MUSK: variants seen among roughly 807,000 people sequenced by gnomAD.
MUSK encodes the protein muscle, skeletal receptor tyrosine-protein kinase.
A neutral mutation model predicts 88.7 loss-of-function variants in MUSK; 55 were observed. That is an observed-to-expected ratio of 0.62 (90% CI 0.50 to 0.78). MUSK has a LOEUF of 0.78. Ranked by LOEUF, MUSK falls within the 30% of genes least tolerant of loss-of-function variation. The pLI is 0.00. For missense variants in MUSK, 1,015 were observed against 1,074.3 expected, an observed-to-expected ratio of 0.94 and a Z score of 0.77; for synonymous variants, 387 against 391.9, an observed-to-expected ratio of 0.99 and a Z score of 0.15.
intron 14 of MUSK, among the ~76,000 whole-genome samples, chr9:110,799,141 G>C (rs1012132284): frequency 1.3e-5 from 2 of 152,046 alleles, no homozygotes; most frequent in African/African-American, 4.8e-5. Flanking sequence ...TTACAGAAAT[G>C]TGCTAATTGA....
At chr9:110,772,627 T>C (rs1412809751) in intron 9 of MUSK, among the ~76,000 whole-genome samples, 1 of 152,086 alleles carries the variant, frequency 6.6e-6, no homozygotes, top group Non-Finnish European at 1.5e-5. Flanking sequence ...ACAAAATTCA[T>C]ATATTTATGT....
intron 14 of MUSK, among the ~76,000 whole-genome samples, chr9:110,797,610 TATAA>T (rs2078031008): frequency 1.3e-5 from 2 of 152,332 alleles, no homozygotes; most frequent in African/African-American, 4.8e-5. Flanking sequence ...GTAGGCACTC[TATAA>T]ATATTTGTTC....
chr9:110,783,685 G>A (rs796832460), intron 11 of MUSK, among the ~76,000 whole-genome samples: 9 of 151,698 alleles, frequency 5.9e-5, no homozygotes, highest in African/African-American at 2.2e-4. Context: ...ATTAACTTCT[G>A]CTTGTGTATG....
chr9:110,669,825 C>A (rs1007369306), intron 1 of MUSK, among the ~76,000 whole-genome samples: 1 of 152,048 alleles, frequency 6.6e-6, no homozygotes, highest in Non-Finnish European at 1.5e-5. Context: ...GAAAGCAGAT[C>A]GAGTGGTATC....
At position 110,689,417 on chromosome 9, in the gene MUSK, T is replaced by C. The variant is rs1462752719; in HGVS notation, c.358+2149T>C. 3.6e-5 allele frequency among the ~76,000 whole-genome samples: 4 copies of C among 111,760 alleles called. No homozygotes were observed. The East Asian group carries it at 7.4e-4, about 21-fold the overall frequency. 73.3% of individuals were successfully genotyped at this position (111,760 alleles called of 152,430 possible). A position where few individuals can be genotyped will look rare whatever the true frequency, so the allele number is the denominator to read the frequency against. On this transcript the variant is annotated intron_variant, in intron 3 of 14. Coordinates refer to ENST00000374448, the MANE Select transcript of MUSK (RefSeq NM_005592.4). ...AATATGTGAAAAATACATATTTATA[T>C]ATAATATATGTAAAAAATATTAAAA...
chr9:110,798,536 G>C (rs1323993082), intron 14 of MUSK, among the ~76,000 whole-genome samples: 1 of 152,102 alleles, frequency 6.6e-6, no homozygotes, highest in Admixed American at 6.5e-5. Flanking sequence ...GGCTAGGCAT[G>C]AGGTTTTCTT....
chr9:110,762,052 C>T (rs554619318), intron 7 of MUSK, 150 bp from the exon 8 acceptor site: 2 of 1,009,926 alleles, frequency 2.0e-6, no homozygotes, highest in African/African-American at 1.7e-5. Context: ...CAGCATCTGG[C>T]CTCCTAGCAG....
At chr9:110,674,004 G>A (rs114997738) in intron 1 of MUSK, among the ~76,000 whole-genome samples, 196 of 151,934 alleles carry the variant, frequency 1.3e-3, no homozygotes, top group African/African-American at 4.4e-3. Context: ...TCTTCCAAAC[G>A]TCATGTGTGG....
At chr9:110,742,833 G>T (rs192569778) in intron 6 of MUSK, among the ~76,000 whole-genome samples, 1 of 152,336 alleles carries the variant, frequency 6.6e-6, no homozygotes, top group Non-Finnish European at 1.5e-5. Context: ...CAGAGAGTGT[G>T]TGCTGCTCTT....
At chr9:110,736,867 T>C (rs1454372485) in intron 6 of MUSK, among the ~76,000 whole-genome samples, 2 of 152,104 alleles carry the variant, frequency 1.3e-5, no homozygotes, top group Admixed American at 1.3e-4. Flanking sequence ...TGAAGCTCCT[T>C]GGGCATCCCA....
chr9:110,763,901 G>C (rs912465773), intron 8 of MUSK, among the ~76,000 whole-genome samples: 4 of 152,170 alleles, frequency 2.6e-5, no homozygotes, highest in African/African-American at 4.8e-5. Flanking sequence ...TTTCAAAGTA[G>C]AGAGAAATAG....
chr9:110,787,622 A>G (rs987659090), intron 13 of MUSK, 68 bp from the exon 14 acceptor site: 14 of 1,512,166 alleles, frequency 9.3e-6, no homozygotes, highest in Non-Finnish European at 1.3e-5. Flanking sequence ...ATATGTATAA[A>G]TGTGGGTAGG....
chr9:110,720,345 C>G (rs1464158748), intron 5 of MUSK, among the ~76,000 whole-genome samples: 1 of 151,742 alleles, frequency 6.6e-6, no homozygotes, highest in East Asian at 1.9e-4. Context: ...AGACCATTAG[C>G]TAGATTAACC....
chr9:110,671,132 C>T (rs2075951647), intron 1 of MUSK, among the ~76,000 whole-genome samples: 2 of 152,048 alleles, frequency 1.3e-5, no homozygotes, highest in Non-Finnish European at 2.9e-5. Context: ...CCACCACACT[C>T]GGCTAATTTT....
At chr9:110,710,114 C>G (rs2076649246) in intron 5 of MUSK, among the ~76,000 whole-genome samples, 1 of 152,188 alleles carries the variant, frequency 6.6e-6, no homozygotes, top group African/African-American at 2.4e-5. Flanking sequence ...ACTTGAGTGT[C>G]TTATTCCTAG....
Position 110,801,678 on chromosome 9 carries a change from A to G in MUSK, c.*690A>G, listed in dbSNP as rs1420483515. 6.6e-6 allele frequency: 1 copy of G among 152,112 alleles called. No homozygotes were observed. The highest frequency in any genetic ancestry group is 2.4e-5 in the African/African-American group (1 of 41,406). 9.4% of individuals were successfully genotyped at this position (152,112 alleles called of 1,614,324 possible). On this transcript the variant is annotated 3_prime_UTR_variant, in exon 15 of 15. Transcript: ENST00000374448. ...CTTTTTTCCTTTCTGTGCATTTGTC[A>G]TGAATTAAGTCTGCTTATTTTATTC...
chr9:110,708,093 TATCTATC>T (rs2076622764), intron 5 of MUSK, among the ~76,000 whole-genome samples: 5 of 81,160 alleles, frequency 6.2e-5, no homozygotes, highest in African/African-American at 2.4e-4. Context: ...AAATAATTCC[TATCTATC>T]TATCTATCTA....
At chr9:110,745,772 T>C (rs2077168422) in intron 6 of MUSK, among the ~76,000 whole-genome samples, 1 of 152,202 alleles carries the variant, frequency 6.6e-6, no homozygotes, top group Non-Finnish European at 1.5e-5. Flanking sequence ...CAATACTTGA[T>C]CTGACCTGGA....
In MUSK at chr9:110,788,104, TA is replaced by T. The variant is rs60153154; in HGVS notation, c.1927+272del. The T allele has an allele frequency of 0.013, 5,324 of 417,036 alleles. 266 individuals are homozygous for T. Among genetic ancestry groups the T allele is most frequent in the African/African-American group, 0.1 (4,891 of 49,086 alleles). 25.8% of individuals were successfully genotyped at this position (417,036 alleles called of 1,614,324 possible). On this transcript the variant is annotated intron_variant, in intron 14 of 14. Coordinates refer to ENST00000374448, the MANE Select transcript of MUSK (RefSeq NM_005592.4). Reference sequence around the variant, plus strand: ...AAAAATGTTTAAAATGTCCCCATTGTAAAAAATTAATACTGCTTCTCCATCA... The same window carrying T: ...AAAAATGTTTAAAATGTCCCCATTGTAAAAATTAATACTGCTTCTCCATCA...
Sources: allele counts gnomAD v4.1 joint callset (sites outside exome capture counted in the v4.1 genomes callset), GRCh38; gene constraint gnomAD v4.1.1; transcripts MANE v1.5; gene names NCBI Gene and HGNC (gene_info 2026-07-23, HGNC 2026-07-21).